The following CMIP variants were observed in gnomAD, a reference collection of about 807,000 sequenced individuals.
CMIP encodes the protein c-Maf inducing protein.
Under a neutral mutation model 97.3 loss-of-function variants are expected in CMIP, and 13 were observed. That is an observed-to-expected ratio of 0.13 (90% CI 0.09 to 0.21). CMIP has a LOEUF of 0.21. Ranked by LOEUF, CMIP falls within the 10% of genes least tolerant of loss-of-function variation. The pLI, the probability that CMIP is intolerant of heterozygous loss-of-function variation, is 1.00. For missense variants in CMIP, 847 were observed against 1,024.9 expected, an observed-to-expected ratio of 0.83 and a Z score of 2.37; for synonymous variants, 538 against 436.3, an observed-to-expected ratio of 1.23 and a Z score of -2.91.
rs568190245 is a variant in CMIP, at chr16:81,690,244, G to A, written c.1389-1531G>A. ...GCATTGAATCTATAAATTACCTTGG[G>A]CAGTATGGCCATTTTCACGATATTG... On this transcript the variant is annotated intron_variant, in intron 10 of 20. Transcript: ENST00000537098. Among the ~76,000 whole-genome samples the A allele has an allele frequency of 4.1e-4, 62 of 152,264 alleles. 1 individual carries two copies. Among genetic ancestry groups the A allele is most frequent in the African/African-American group, 1.5e-3 (61 of 41,544 alleles).
At chr16:81,657,345 C>A (rs1307815634) in intron 4 of CMIP, among the ~76,000 whole-genome samples, 1 of 152,194 alleles carries the variant, frequency 6.6e-6, no homozygotes, top group African/African-American at 2.4e-5. Flanking sequence ...GGCTGCCTGG[C>A]ACAGATTAGG....
rs570519199 is a variant in CMIP, at chr16:81,611,012, T to C, written c.426+3320T>C. ...GCCCATCTGAACGGCATTACCTTAGTGCTCCTAGTCAGCAGATGAGTGAAA... is the reference window on the plus strand; with the variant it reads ...GCCCATCTGAACGGCATTACCTTAGCGCTCCTAGTCAGCAGATGAGTGAAA... On this transcript the variant is annotated intron_variant, in intron 2 of 20. Transcript: ENST00000537098. Among the ~76,000 whole-genome samples, 16 of 152,296 alleles carry C rather than the reference T, an allele frequency of 1.1e-4. No individual in the cohort carries two copies. The South Asian group carries it at 3.1e-3, about 30-fold the overall frequency.
chr16:81,635,763 G>A (rs546230063), intron 3 of CMIP, among the ~76,000 whole-genome samples: 5 of 152,198 alleles, frequency 3.3e-5, no homozygotes, highest in Middle Eastern at 3.4e-3. Context: ...TCAGGGTGGC[G>A]GGGACAGCTC....
intron 1 of CMIP, among the ~76,000 whole-genome samples, chr16:81,596,351 C>T (rs1435337966): frequency 6.6e-6 from 1 of 151,878 alleles, no homozygotes; most frequent in African/African-American, 2.4e-5. Context: ...ACTAAAAGTA[C>T]AGAAATTAGC....
intron 3 of CMIP, among the ~76,000 whole-genome samples, chr16:81,643,528 A>G (rs1302523365): frequency 6.6e-6 from 1 of 152,172 alleles, no homozygotes; most frequent in Admixed American, 6.5e-5. Context: ...AGTGGCTCAC[A>G]CCTGTAATCC....
intron 1 of CMIP, among the ~76,000 whole-genome samples, chr16:81,484,631 G>T (rs927156963): frequency 6.6e-6 from 1 of 152,176 alleles, no homozygotes; most frequent in Admixed American, 6.5e-5. Flanking sequence ...CTCTGCTGCA[G>T]TTGGTGCGCA....
At position 81,699,530 on chromosome 16, in the gene CMIP, C is replaced by T. The variant is rs78741516; in HGVS notation, c.1639-155C>T. Among the ~76,000 whole-genome samples the T allele has an allele frequency of 2.4e-3, 360 of 152,262 alleles. 1 individual carries two copies. Among genetic ancestry groups the T allele is most frequent in the African/African-American group, 8.4e-3 (350 of 41,550 alleles). ...TCGTGTGCCAGGGAGGGGTTTCTTGCATCCCCCTGGGGCCTGGTGATCCTA... is the reference window on the plus strand; with the variant it reads ...TCGTGTGCCAGGGAGGGGTTTCTTGTATCCCCCTGGGGCCTGGTGATCCTA... On this transcript the variant is annotated intron_variant, in intron 14 of 20. Coordinates refer to ENST00000537098, the MANE Select transcript of CMIP (RefSeq NM_198390.3).
At chr16:81,705,205 A>G (rs1431003766) in intron 18 of CMIP, among the ~76,000 whole-genome samples, 1 of 152,220 alleles carries the variant, frequency 6.6e-6, no homozygotes, top group East Asian at 1.9e-4. Context: ...CCTAGGCAGC[A>G]TCTCGAAGCT....
chr16:81,496,407 G>A (rs954495693), intron 1 of CMIP, among the ~76,000 whole-genome samples: 2 of 152,182 alleles, frequency 1.3e-5, no homozygotes, highest in African/African-American at 4.8e-5. Flanking sequence ...GAATTTGTAC[G>A]ATGGAGGGGA....
At chr16:81,625,047 G>C (rs2092042835) in intron 3 of CMIP, among the ~76,000 whole-genome samples, 1 of 152,090 alleles carries the variant, frequency 6.6e-6, no homozygotes, top group African/African-American at 2.4e-5. Context: ...TGAGTGTAGA[G>C]AGGATAAGTC....
rs369990517 is a variant in CMIP at position 81,627,191 on chromosome 16, A to AGT, written c.477+6277_477+6278dup. Among the ~76,000 whole-genome samples the AGT allele has an allele frequency of 1.6e-5, 2 of 128,150 alleles. No individual in the cohort carries two copies. Among genetic ancestry groups the AGT allele is most frequent in the Non-Finnish European group, 3.4e-5 (2 of 59,440 alleles). 84.1% of individuals were successfully genotyped at this position (128,150 alleles called of 152,430 possible). On this transcript the variant is annotated intron_variant, in intron 3 of 20. Coordinates refer to ENST00000537098, the MANE Select transcript of CMIP (RefSeq NM_198390.3). This position sits in a 1 kb window ranked among gnomAD's most constrained non-coding sequence, Gnocchi z 4.6. ...TGGCCTGTAGGGTGACTATTTTATG[A>AGT]GTGTGTGTGTGTGGCATGTGGGATG... is the stretch of plus-strand genomic sequence containing the variant.
chr16:81,495,524 C>A (rs766614149), intron 1 of CMIP: 4 of 1,610,256 alleles, frequency 2.5e-6, no homozygotes, highest in Non-Finnish European at 3.4e-6. Flanking sequence ...ACGACTCTGT[C>A]CAGCTTGATG....
intron 14 of CMIP, among the ~76,000 whole-genome samples, chr16:81,699,257 A>G (rs531128338): frequency 6.6e-6 from 1 of 152,176 alleles, no homozygotes; most frequent in African/African-American, 2.4e-5. Flanking sequence ...CTCCATCTCA[A>G]AAAAAATAAA....
intron 1 of CMIP, among the ~76,000 whole-genome samples, chr16:81,552,272 G>T (rs1235030574): frequency 6.6e-6 from 1 of 152,182 alleles, no homozygotes; most frequent in Non-Finnish European, 1.5e-5. Context: ...ATAAGGGCTG[G>T]CTGGTGGTTC....
At chr16:81,623,623 G>A (rs927090194) in intron 3 of CMIP, among the ~76,000 whole-genome samples, 1 of 152,156 alleles carries the variant, frequency 6.6e-6, no homozygotes, top group Non-Finnish European at 1.5e-5. Context: ...GTGGCTCTTT[G>A]TACCCAGTTT....
intron 3 of CMIP, among the ~76,000 whole-genome samples, chr16:81,623,337 G>T (rs1245765467): frequency 1.3e-5 from 2 of 152,198 alleles, no homozygotes; most frequent in Non-Finnish European, 2.9e-5. Flanking sequence ...GTGGCATCCG[G>T]TTTATTTATG....
At chr16:81,607,742 C>T (rs777292729) in intron 2 of CMIP, 50 bp downstream of exon 2, 1 of 1,592,010 alleles carries the variant, frequency 6.3e-7, no homozygotes, top group Admixed American at 1.7e-5. Flanking sequence ...CATCTTCATG[C>T]ACTTGTGCCC....
intron 3 of CMIP, among the ~76,000 whole-genome samples, chr16:81,651,008 C>T (rs903285738): frequency 2.0e-5 from 3 of 152,146 alleles, no homozygotes; most frequent in African/African-American, 7.2e-5. Context: ...AGCTCAGAAA[C>T]TCAGCGGTCA....
intron 1 of CMIP, among the ~76,000 whole-genome samples, chr16:81,481,286 G>A (rs761002174): frequency 6.6e-6 from 1 of 152,212 alleles, no homozygotes; most frequent in Non-Finnish European, 1.5e-5. Context: ...ATCTGGGTGT[G>A]CCGGGCCCTG....
Sources: gnomAD v4.1 joint callset for allele counts (sites outside exome capture counted in the v4.1 genomes callset) on GRCh38, gnomAD v4.1.1 for gene constraint, Gnocchi (gnomAD v3.1) non-coding constraint, MANE v1.5 for transcripts, NCBI Gene and HGNC (gene_info 2026-07-23, HGNC 2026-07-21) for gene names.